ARL9: variants seen among roughly 807,000 people sequenced by gnomAD.
ARL9 encodes the protein ADP-ribosylation factor-like protein 9.
Under a neutral mutation model 27.0 loss-of-function variants are expected in ARL9, and 14 were observed. The ratio of observed to expected loss-of-function variants is 0.52; its 90% confidence interval spans 0.34 to 0.81. The LOEUF (loss-of-function observed/expected upper bound fraction) is 0.81. Among genes scored for constraint, ARL9 ranks in the 30% least tolerant of loss-of-function variants. ARL9 has a pLI of 0.01. For synonymous variants in ARL9, 106 were observed against 108.7 expected, an observed-to-expected ratio of 0.98 and a Z score of 0.15; for missense variants, 294 against 290.0, an observed-to-expected ratio of 1.01 and a Z score of -0.10.
intron 3 of ARL9, among the ~76,000 whole-genome samples, chr4:56,519,391 C>T (rs1024183019): frequency 3.9e-5 from 6 of 152,088 alleles, no homozygotes; most frequent in Admixed American, 1.3e-4. Context: ...GGTGGGGGAT[C>T]ACGAGGTCAG....
At position 56,518,759 on chromosome 4, in the gene ARL9, C is replaced by T; in HGVS notation, c.524C>T (p.Ala175Val). Reference protein sequence around the residue: ...GLLLIFVVDSADHSRLPEAKK... With the variant: ...GLLLIFVVDSVDHSRLPEAKK... ...CTGCTGATCTTTGTGGTGGATTCAG[C>T]AGATCACAGCCGATTACCTGAAGCC... Residue 175 changes from alanine to valine, a missense_variant, in exon 3 of 4, where the codon GCA (alanine) becomes GTA (valine). Coordinates refer to ENST00000640821, the MANE Select transcript of ARL9 (RefSeq NM_001363794.2). 1.2e-6 allele frequency: 2 copies of T among 1,613,960 alleles called. No homozygotes were observed. The highest frequency in any genetic ancestry group is 1.7e-6 in the Non-Finnish European group (2 of 1,179,854).
chr4:56,523,795 G>T lies in ARL9; in HGVS notation c.717G>T (p.Leu239=). Residue 239 remains leucine (L), a synonymous_variant, in exon 4 of 4, where the codon CTG becomes CTT. Coordinates refer to ENST00000640821, the MANE Select transcript of ARL9 (RefSeq NM_001363794.2). ...DRKMFLFGTY[L]TKNGSEIPST... ...AGATGTTCTTGTTTGGAACCTACCT[G>T]ACTAAGAATGGCTCAGAGATACCCT... 6.2e-7 allele frequency: 1 copy of T among 1,613,830 alleles called. No homozygotes were observed. The highest frequency in any genetic ancestry group is 8.5e-7 in the Non-Finnish European group (1 of 1,179,738).
At chr4:56,506,477 C>T (rs1168277790) in intron 1 of ARL9, among the ~76,000 whole-genome samples, 3 of 152,078 alleles carry the variant, frequency 2.0e-5, no homozygotes, top group Non-Finnish European at 4.4e-5. Flanking sequence ...AACACTAGCG[C>T]ACAGACCACC....
At chr4:56,518,518 C>G (rs988215670) in intron 2 of ARL9, among the ~76,000 whole-genome samples, 160 bp from the exon 3 acceptor site, 5 of 152,170 alleles carry the variant, frequency 3.3e-5, no homozygotes, top group Admixed American at 2.6e-4. Context: ...CGCTAACATG[C>G]CTCTGGTCAC....
intron 1 of ARL9, among the ~76,000 whole-genome samples, chr4:56,510,400 C>T (rs910773554): frequency 1.5e-4 from 22 of 150,896 alleles, no homozygotes; most frequent in African/African-American, 5.4e-4. Flanking sequence ...GCCCTGAGAT[C>T]TTACAATCTA....
Position 56,524,060 on chromosome 4 carries a change from G to A in ARL9, c.*184G>A, listed in dbSNP as rs1722011583. ...CACATCTGGGGATTCAAGAACTGTG[G>A]ATCCAAAACATTCAAAAAGTAAACC... On this transcript the variant is annotated 3_prime_UTR_variant, in exon 4 of 4. Coordinates refer to ENST00000640821, the MANE Select transcript of ARL9 (RefSeq NM_001363794.2). The A allele has an allele frequency of 4.3e-6, 2 of 461,554 alleles. No individual in the cohort carries two copies. The highest frequency in any genetic ancestry group is 3.7e-6 in the Non-Finnish European group (1 of 268,850). The allele number at this position is 461,554 out of a possible 1,614,324, so 28.6% of individuals were successfully genotyped here.
chr4:56,509,210 G>T (rs78799778), intron 1 of ARL9, among the ~76,000 whole-genome samples: 17,046 of 136,984 alleles, frequency 0.12, 1,246 homozygotes, highest in East Asian at 0.27. Context: ...TCTTTTTTTT[G>T]TTTTTTTTTT....
intron 3 of ARL9, among the ~76,000 whole-genome samples, chr4:56,522,103 C>A (rs1721938002): frequency 6.6e-6 from 1 of 151,674 alleles, no homozygotes; most frequent in South Asian, 2.1e-4. Context: ...CAGGAAAAGC[C>A]CCACAGGCTC....
At chr4:56,520,555 GA>G (rs34615000) in intron 3 of ARL9, among the ~76,000 whole-genome samples, 56,852 of 151,848 alleles carry the variant, frequency 0.37, 11,523 homozygotes, top group East Asian at 0.64. Context: ...CAGTTTTGTA[GA>G]AAAAAAGTTT....
Position 56,505,958 on chromosome 4 carries a change from G to A in ARL9, c.96G>A (p.Lys32=). ...EKGREEKVKR[K]EVEQKIKQKQ... Reference sequence around the variant, plus strand: ...GTAGGGAAGAGAAAGTGAAAAGAAAGGAGGTGGAGCAGAAAATTAAACAAA... The same window carrying A: ...GTAGGGAAGAGAAAGTGAAAAGAAAAGAGGTGGAGCAGAAAATTAAACAAA... The change falls in exon 1 of 4, where the codon AAG becomes AAA. Residue 32 remains lysine, a synonymous_variant. Coordinates refer to ENST00000640821, the MANE Select transcript of ARL9 (RefSeq NM_001363794.2). The A allele has an allele frequency of 8.2e-7, 1 of 1,212,150 alleles. No homozygotes were observed. Among genetic ancestry groups the A allele is most frequent in the Non-Finnish European group, 1.0e-6 (1 of 968,722 alleles). The allele number at this position is 1,212,150 out of a possible 1,614,324, so 75.1% of individuals were successfully genotyped here.
intron 3 of ARL9, among the ~76,000 whole-genome samples, chr4:56,519,969 A>G (rs1407764095): frequency 6.6e-6 from 1 of 151,574 alleles, no homozygotes; most frequent in Non-Finnish European, 1.5e-5. Context: ...CAGCCTCCCA[A>G]GTGGCTAGGA....
intron 1 of ARL9, among the ~76,000 whole-genome samples, chr4:56,510,434 G>T (rs1578208763): frequency 1.3e-5 from 2 of 151,788 alleles, no homozygotes; most frequent in Admixed American, 1.3e-4. Context: ...GAAGACAGGA[G>T]AAATTAATAA....
At chr4:56,519,566 C>T (rs1001632364) in intron 3 of ARL9, among the ~76,000 whole-genome samples, 7 of 151,708 alleles carry the variant, frequency 4.6e-5, no homozygotes, top group Admixed American at 2.6e-4. Context: ...ACCAAGATCG[C>T]GCCACTGCAC....
At chr4:56,507,561 C>G (rs545630909) in intron 1 of ARL9, among the ~76,000 whole-genome samples, 2 of 151,734 alleles carry the variant, frequency 1.3e-5, no homozygotes, top group Admixed American at 1.3e-4. Context: ...GCGATCCACC[C>G]GCGTTGGCCT....
chr4:56,506,542 A>G, intron 1 of ARL9: 1 of 866,030 alleles, frequency 1.2e-6, no homozygotes. Context: ...CCCTCTTTGC[A>G]TTGAATGCGT....
intron 1 of ARL9, among the ~76,000 whole-genome samples, chr4:56,509,620 C>T (rs925854440): frequency 2.6e-5 from 4 of 151,950 alleles, no homozygotes; most frequent in East Asian, 1.9e-4. Context: ...CTGCAACCTC[C>T]GCCTCCAAGG....
intron 1 of ARL9, among the ~76,000 whole-genome samples, chr4:56,509,953 C>A (rs1018995926): frequency 7.2e-5 from 11 of 151,868 alleles, no homozygotes; most frequent in Admixed American, 7.2e-4. Context: ...AGGTGATCTG[C>A]CTGCCTTGGC....
rs750314548 is a variant in ARL9, at chr4:56,523,807, C to T, written c.729C>T (p.Gly243=). 9 of 1,613,850 alleles carry T rather than the reference C, an allele frequency of 5.6e-6. No homozygotes were observed. The highest frequency in any genetic ancestry group is 4.2e-6 in the Non-Finnish European group (5 of 1,179,892). The change falls in exon 4 of 4, where the codon GGC becomes GGT. Residue 243 remains glycine (G), a synonymous_variant. Transcript: ENST00000640821. ...TTGGAACCTACCTGACTAAGAATGG[C>T]TCAGAGATACCCTCCACCATGCAAG... The part of the protein sequence containing the change: ...FLFGTYLTKN[G]SEIPSTMQDA...
At chr4:56,509,222 T>TTG (rs1553949443) in intron 1 of ARL9, among the ~76,000 whole-genome samples, 13 of 150,878 alleles carry the variant, frequency 8.6e-5, no homozygotes, top group East Asian at 5.8e-4. Context: ...TTTTTTTTTT[T>TTG]GGGATGGAGT....
Sources: allele counts gnomAD v4.1 joint callset (sites outside exome capture counted in the v4.1 genomes callset), GRCh38; gene constraint gnomAD v4.1.1; transcripts MANE v1.5; gene names NCBI Gene and HGNC (gene_info 2026-07-23, HGNC 2026-07-21).